Variants in PCDH9 observed in about 807,000 individuals in gnomAD.
PCDH9 encodes protocadherin-9.
A neutral mutation model predicts 70.6 loss-of-function variants in PCDH9; 24 were observed. That is an observed-to-expected ratio of 0.34 (90% confidence interval 0.25 to 0.48). PCDH9 has a LOEUF of 0.48. Among genes scored for constraint, PCDH9 ranks in the 20% least tolerant of loss-of-function variants. PCDH9 has a pLI of 0.99. For missense variants in PCDH9, 1,281 were observed against 1,503.6 expected (o/e 0.85, Z 2.45); for synonymous variants, 562 against 558.5 (o/e 1.01, Z -0.09).
At chr13:67,173,568 T>C (rs1424878980) in intron 2 of PCDH9, among the ~76,000 whole-genome samples, 1 of 152,136 alleles carries the variant, frequency 6.6e-6, no homozygotes, top group African/African-American at 2.4e-5. Flanking sequence ...CTGCTCTAGA[T>C]AAAAGTCTGG....
intron 2 of PCDH9, among the ~76,000 whole-genome samples, chr13:66,919,262 A>G (rs188191939): frequency 1.6e-4 from 24 of 151,406 alleles, no homozygotes; most frequent in African/African-American, 4.8e-4. Flanking sequence ...AAACAAACAA[A>G]ATATTTTTTG....
At chr13:66,672,580 A>G (rs1184635064) in intron 3 of PCDH9, among the ~76,000 whole-genome samples, 1 of 152,172 alleles carries the variant, frequency 6.6e-6, no homozygotes, top group Non-Finnish European at 1.5e-5. Flanking sequence ...CCAGAATGGT[A>G]GATACACTGA....
At chr13:66,657,222 T>C (rs1235267073) in intron 3 of PCDH9, among the ~76,000 whole-genome samples, 2 of 152,198 alleles carry the variant, frequency 1.3e-5, no homozygotes, top group Admixed American at 1.3e-4. Context: ...AGTTCCTGTG[T>C]GTGCCATCAC....
chr13:66,304,564 T>G lies in PCDH9; in HGVS notation c.*91A>C. 1 of 982,244 alleles carries G rather than the reference T, an allele frequency of 1.0e-6. No homozygotes were observed. Among genetic ancestry groups the G allele is most frequent in the Non-Finnish European group, 1.6e-6 (1 of 641,432 alleles). The allele number at this position is 982,244 out of a possible 1,614,324, so 60.8% of individuals were successfully genotyped here. On this transcript the variant is annotated 3_prime_UTR_variant, in exon 5 of 5. Transcript: ENST00000377865. ...ATAGGTATCCCTGCTAGAAGGGGCATAGTTGTAGAGATCTATTGAATACAT... is the reference window on the plus strand; with the variant it reads ...ATAGGTATCCCTGCTAGAAGGGGCAGAGTTGTAGAGATCTATTGAATACAT...
At chr13:66,883,610 T>C (rs1015175998) in intron 3 of PCDH9, among the ~76,000 whole-genome samples, 1 of 152,156 alleles carries the variant, frequency 6.6e-6, no homozygotes, top group African/African-American at 2.4e-5. Flanking sequence ...GTTCCTTTTA[T>C]GAGAGAGTAA....
chr13:66,997,523 T>TTTTGTTTTGG (rs2084144034), intron 2 of PCDH9, among the ~76,000 whole-genome samples: 1 of 151,676 alleles, frequency 6.6e-6, no homozygotes, highest in South Asian at 2.1e-4. Flanking sequence ...TTTTGTTTTG[T>TTTTGTTTTGG]TTTGTTTTGT....
chr13:67,016,238 A>G (rs1402839125), intron 2 of PCDH9, among the ~76,000 whole-genome samples: 1 of 152,206 alleles, frequency 6.6e-6, no homozygotes, highest in Non-Finnish European at 1.5e-5. Context: ...AGAAAATAAG[A>G]CTAATAGAAA....
intron 2 of PCDH9, among the ~76,000 whole-genome samples, chr13:67,113,246 C>T (rs2086691314): frequency 1.3e-5 from 2 of 152,062 alleles, no homozygotes; most frequent in South Asian, 4.1e-4. Context: ...TTAAATAAAC[C>T]TGTAATCTTA....
At chr13:66,605,826 T>G (rs183325735) in intron 4 of PCDH9, among the ~76,000 whole-genome samples, 35 of 152,230 alleles carry the variant, frequency 2.3e-4, no homozygotes, top group Non-Finnish European at 4.3e-4. Flanking sequence ...TGTCGGATAG[T>G]AAGACTTCAT....
chr13:66,380,350 C>T (rs1214872723), intron 4 of PCDH9, among the ~76,000 whole-genome samples: 2 of 152,090 alleles, frequency 1.3e-5, no homozygotes, highest in Non-Finnish European at 2.9e-5. Context: ...AAAGATATTA[C>T]ATATTCTTTT....
chr13:66,420,660 G>A (rs1323303770), intron 4 of PCDH9, among the ~76,000 whole-genome samples: 3 of 151,958 alleles, frequency 2.0e-5, no homozygotes, highest in African/African-American at 7.2e-5. Context: ...AGGATGATGA[G>A]GCAAACCTCC....
chr13:66,875,571 C>G (rs1767315101), intron 3 of PCDH9, among the ~76,000 whole-genome samples: 1 of 152,104 alleles, frequency 6.6e-6, no homozygotes, highest in Admixed American at 6.6e-5. Flanking sequence ...AGTTTCCATT[C>G]CAATGTCTAT....
intron 2 of PCDH9, chr13:67,204,131 G>T (rs2089282940): frequency 6.6e-6 from 1 of 151,894 alleles, no homozygotes; most frequent in Non-Finnish European, 1.5e-5. Flanking sequence ...TCTTATTGTG[G>T]ATACACACTA....
At chr13:66,852,694 T>A (rs1398293464) in intron 3 of PCDH9, among the ~76,000 whole-genome samples, 3 of 152,190 alleles carry the variant, frequency 2.0e-5, no homozygotes, top group Non-Finnish European at 4.4e-5. Context: ...CTTTGGCATA[T>A]TTGTAAGTAA....
intron 2 of PCDH9, among the ~76,000 whole-genome samples, chr13:66,983,896 C>T (rs2083832257): frequency 6.6e-6 from 1 of 151,658 alleles, no homozygotes; most frequent in Non-Finnish European, 1.5e-5. Context: ...CCCAGTGTCA[C>T]AAACTCACCC....
At chr13:66,760,801 C>G (rs188858286) in intron 3 of PCDH9, among the ~76,000 whole-genome samples, 1 of 152,078 alleles carries the variant, frequency 6.6e-6, no homozygotes, top group Non-Finnish European at 1.5e-5. Flanking sequence ...GAAAAGAATG[C>G]ATTCCCAGGG....
At chr13:66,529,580 G>A (rs564467402) in intron 4 of PCDH9, among the ~76,000 whole-genome samples, 52 of 152,064 alleles carry the variant, frequency 3.4e-4, no homozygotes, top group African/African-American at 1.1e-3. Flanking sequence ...CTAGAATGTT[G>A]AATAAAAACA....
intron 2 of PCDH9, among the ~76,000 whole-genome samples, chr13:66,976,780 T>C (rs375750267): frequency 7.9e-5 from 12 of 152,210 alleles, no homozygotes; most frequent in African/African-American, 2.6e-4. Flanking sequence ...TTATCTGTAA[T>C]CAAGTAAGAA....
chr13:67,045,766 G>T (rs558689074), intron 2 of PCDH9, among the ~76,000 whole-genome samples: 25 of 152,200 alleles, frequency 1.6e-4, no homozygotes, highest in African/African-American at 5.5e-4. Flanking sequence ...GTGAGGCTTC[G>T]AGTTACTTTC....
Sources: gnomAD v4.1 joint callset for allele counts (sites outside exome capture counted in the v4.1 genomes callset) on GRCh38, gnomAD v4.1.1 for gene constraint, MANE v1.5 for transcripts, NCBI Gene and HGNC (gene_info 2026-07-23, HGNC 2026-07-21) for gene names.